The following CTNND2 variants were observed in gnomAD, a reference collection of about 807,000 sequenced individuals.
The protein encoded by CTNND2 is catenin delta 2, also known as catenin delta-2.
Under a neutral mutation model 144.4 loss-of-function variants are expected in CTNND2, and 22 were observed. The observed-to-expected ratio is 0.15, with a 90% confidence interval of 0.11 to 0.22. The LOEUF (loss-of-function observed/expected upper bound fraction) is 0.22, where lower values mean the gene tolerates loss of function less well. Among genes scored for constraint, CTNND2 ranks in the 10% least tolerant of loss-of-function variants. The probability of loss-of-function intolerance (pLI) is 1.00; values close to 1 mark genes in which losing one functional copy is unlikely to be tolerated. For missense variants in CTNND2, 1,353 were observed against 1,618.8 expected (o/e 0.84, Z 2.82); for synonymous variants, 751 against 695.6 (o/e 1.08, Z -1.25).
intron 1 of CTNND2, among the ~76,000 whole-genome samples, chr5:11,859,851 T>C (rs1219834698): frequency 1.3e-5 from 2 of 152,170 alleles, no homozygotes; most frequent in East Asian, 3.8e-4. Flanking sequence ...GTACCATACC[T>C]ATTTTGTATT....
At chr5:11,005,356 T>A (rs745500944) in intron 18 of CTNND2, among the ~76,000 whole-genome samples, 1 of 151,398 alleles carries the variant, frequency 6.6e-6, no homozygotes, top group Non-Finnish European at 1.5e-5. Context: ...TACTGAAGAG[T>A]TTTAATCAGG....
chr5:11,611,457 C>A (rs932630441), intron 2 of CTNND2, among the ~76,000 whole-genome samples: 16 of 152,310 alleles, frequency 1.1e-4, no homozygotes, highest in Non-Finnish European at 4.4e-5. Context: ...GTCTACATAT[C>A]TTCCCTTTAT....
chr5:11,733,216 T>A lies in CTNND2; in HGVS notation c.38-944A>T, dbSNP rs114328290. Among the ~76,000 whole-genome samples, 726 of 152,248 alleles carry A rather than the reference T, an allele frequency of 4.8e-3. 9 individuals carry two copies. The highest frequency in any genetic ancestry group is 0.017 in the African/African-American group (692 of 41,552). On this transcript the variant is annotated intron_variant, in intron 1 of 21. Transcript: ENST00000304623. Reference sequence around the variant, plus strand: ...CAGCTGAAGCCTGTTGGTCAGAAGTTCTGAGGCCTGGACTTGCAATTGGTA... The same window carrying A: ...CAGCTGAAGCCTGTTGGTCAGAAGTACTGAGGCCTGGACTTGCAATTGGTA...
intron 2 of CTNND2, among the ~76,000 whole-genome samples, chr5:11,590,055 T>C (rs1779131409): frequency 6.6e-6 from 1 of 151,656 alleles, no homozygotes; most frequent in African/African-American, 2.4e-5. Context: ...AAATTTTTTT[T>C]TTTTTTTTGA....
intron 3 of CTNND2, among the ~76,000 whole-genome samples, chr5:11,451,912 T>C (rs1163321466): frequency 6.6e-6 from 1 of 152,232 alleles, no homozygotes; most frequent in Non-Finnish European, 1.5e-5. Context: ...TTTACTTGTT[T>C]ATACCCAAAT....
chr5:11,417,972 A>G (rs554292288), intron 3 of CTNND2, among the ~76,000 whole-genome samples: 2 of 152,316 alleles, frequency 1.3e-5, no homozygotes, highest in East Asian at 1.9e-4. Flanking sequence ...CAAAAAGTTT[A>G]TGGAAAATGC....
chr5:11,089,351 C>A (rs1047353227), intron 15 of CTNND2, among the ~76,000 whole-genome samples: 1 of 152,238 alleles, frequency 6.6e-6, no homozygotes, highest in Non-Finnish European at 1.5e-5. Flanking sequence ...TGCTTCCTCA[C>A]CTCCTCCACT....
intron 11 of CTNND2, among the ~76,000 whole-genome samples, chr5:11,197,873 A>G (rs933320680): frequency 6.6e-6 from 1 of 152,342 alleles, no homozygotes; most frequent in South Asian, 2.1e-4. Context: ...GGGTTCTTCT[A>G]CACAATGAAT....
intron 3 of CTNND2, among the ~76,000 whole-genome samples, chr5:11,425,186 T>G (rs1173761219): frequency 6.6e-6 from 1 of 152,208 alleles, no homozygotes; most frequent in East Asian, 1.9e-4. Flanking sequence ...TAATGCATAC[T>G]ACGTGAGTTC....
At chr5:11,871,903 C>T (rs565944195) in intron 1 of CTNND2, among the ~76,000 whole-genome samples, 80 of 152,202 alleles carry the variant, frequency 5.3e-4, no homozygotes, top group African/African-American at 1.9e-3. Context: ...ACAGAAAAAT[C>T]TATTCATTCT....
At chr5:11,242,548 G>A (rs559617916) in intron 9 of CTNND2, among the ~76,000 whole-genome samples, 33 of 152,282 alleles carry the variant, frequency 2.2e-4, no homozygotes, top group Non-Finnish European at 3.7e-4. Context: ...CGTGGAAGGC[G>A]CTGCTGGCAT....
chr5:11,139,938 G>C (rs548288168), intron 12 of CTNND2, among the ~76,000 whole-genome samples: 3 of 152,134 alleles, frequency 2.0e-5, no homozygotes, highest in Non-Finnish European at 2.9e-5. Flanking sequence ...TGTCTTCAGA[G>C]CCAGGGGAGA....
intron 1 of CTNND2, among the ~76,000 whole-genome samples, chr5:11,897,646 T>C (rs73743316): frequency 7.5e-4 from 115 of 152,338 alleles, no homozygotes; most frequent in African/African-American, 2.7e-3. Flanking sequence ...GGGTAAGTTA[T>C]TTTAAAGTTG....
intron 3 of CTNND2, among the ~76,000 whole-genome samples, chr5:11,562,904 T>G (rs1301030535): frequency 6.6e-6 from 1 of 152,226 alleles, no homozygotes; most frequent in East Asian, 1.9e-4. Flanking sequence ...CCAGTCCTAA[T>G]GAAAACTATA....
chr5:11,738,147 G>C (rs1787798549), intron 1 of CTNND2, among the ~76,000 whole-genome samples: 1 of 152,168 alleles, frequency 6.6e-6, no homozygotes, highest in Admixed American at 6.5e-5. Context: ...GTCTCAGGAG[G>C]AGGCATGTGT....
At chr5:11,479,576 C>A (rs1768057754) in intron 3 of CTNND2, among the ~76,000 whole-genome samples, 1 of 152,202 alleles carries the variant, frequency 6.6e-6, no homozygotes, top group Non-Finnish European at 1.5e-5. Flanking sequence ...AATTGCCACA[C>A]TGCTTTCCAC....
chr5:11,178,420 T>A (rs935440524), intron 11 of CTNND2, among the ~76,000 whole-genome samples: 3 of 152,220 alleles, frequency 2.0e-5, no homozygotes, highest in African/African-American at 7.2e-5. Flanking sequence ...TCCTATGATA[T>A]GCTGGGTTGA....
chr5:11,036,250 C>T (rs1327518516), intron 16 of CTNND2, among the ~76,000 whole-genome samples: 2 of 152,038 alleles, frequency 1.3e-5, no homozygotes, highest in African/African-American at 4.8e-5. Flanking sequence ...TATGAAAATG[C>T]TAGAGTTCCT....
intron 8 of CTNND2, among the ~76,000 whole-genome samples, chr5:11,354,886 C>G (rs1380290909): frequency 6.6e-6 from 1 of 152,090 alleles, no homozygotes; most frequent in East Asian, 1.9e-4. Context: ...AAGACAGAGT[C>G]AACATCAAGT....
Sources: gnomAD v4.1 joint callset for allele counts (sites outside exome capture counted in the v4.1 genomes callset) on GRCh38, gnomAD v4.1.1 for gene constraint, MANE v1.5 for transcripts, NCBI Gene and HGNC (gene_info 2026-07-23, HGNC 2026-07-21) for gene names.